Variants in GNA14 observed in about 807,000 individuals in gnomAD.
The protein encoded by GNA14 is G protein subunit alpha 14.
GNA14 carries 50 observed loss-of-function variants against 42.0 expected under a neutral mutation model. The observed-to-expected ratio is 1.19, with a 90% CI of 0.95 to 1.51. The LOEUF (loss-of-function observed/expected upper bound fraction) is 1.51. Ranked by LOEUF, GNA14 falls within the 40% of genes most tolerant of loss-of-function variation. The pLI is 0.00. For missense variants in GNA14, 473 were observed against 446.2 expected (o/e 1.06, Z -0.54); for synonymous variants, 173 against 163.1 (o/e 1.06, Z -0.46).
intron 2 of GNA14, among the ~76,000 whole-genome samples, chr9:77,463,325 T>C (rs531530776): frequency 6.6e-6 from 1 of 151,922 alleles, no homozygotes; most frequent in African/African-American, 2.4e-5. Context: ...CAATAATAAT[T>C]CTCTACTCAA....
At position 77,425,636 on chromosome 9, in the gene GNA14, A is replaced by G; in HGVS notation, c.803T>C (p.Phe268Ser). 1 of 1,609,344 alleles carries G rather than the reference A, an allele frequency of 6.2e-7. No individual in the cohort carries two copies. The highest frequency in any genetic ancestry group is 1.1e-5 in the South Asian group (1 of 90,952). The change falls in exon 6 of 7, where the codon TTC (phenylalanine) becomes TCC (serine). Residue 268 changes from phenylalanine (F) to serine (S), a missense_variant. Coordinates refer to ENST00000341700, the MANE Select transcript of GNA14 (RefSeq NM_004297.4). ...TTCCAAAAGATCCTTCTTGTTCAAGAATAAAATCACAGACGAATTCAGAAA... is the reference window on the plus strand; with the variant it reads ...TTCCAAAAGATCCTTCTTGTTCAAGGATAAAATCACAGACGAATTCAGAAA... ...PWFLNSSVIL[F>S]LNKKDLLEEK...
At chr9:77,449,972 G>C (rs1835878710) in intron 2 of GNA14, among the ~76,000 whole-genome samples, 1 of 152,078 alleles carries the variant, frequency 6.6e-6, no homozygotes, top group African/African-American at 2.4e-5. Context: ...TAGAAACAAA[G>C]AGAACATGAG....
intron 2 of GNA14, among the ~76,000 whole-genome samples, chr9:77,488,134 A>G (rs1246943857): frequency 6.6e-6 from 1 of 152,242 alleles, no homozygotes; most frequent in African/African-American, 2.4e-5. Context: ...AAAGCCAGCA[A>G]TATCTTAGAA....
intron 1 of GNA14, chr9:77,580,437 C>A: frequency 3.2e-6 from 1 of 311,202 alleles, no homozygotes; most frequent in South Asian, 4.2e-5. Flanking sequence ...CCAGAAAATC[C>A]AGTACAGCAT....
chr9:77,494,935 G>C (rs1836847404), intron 2 of GNA14, among the ~76,000 whole-genome samples: 1 of 152,194 alleles, frequency 6.6e-6, no homozygotes, highest in South Asian at 2.1e-4. Flanking sequence ...GAGTAACTGA[G>C]ATTACTGGTG....
At chr9:77,640,620 A>G (rs1003927505) in intron 1 of GNA14, among the ~76,000 whole-genome samples, 2 of 152,142 alleles carry the variant, frequency 1.3e-5, no homozygotes, top group African/African-American at 4.8e-5. Context: ...AAGCCTCAAA[A>G]ATTTCATCCT....
chr9:77,477,991 G>A (rs1006086146), intron 2 of GNA14, among the ~76,000 whole-genome samples: 37 of 147,794 alleles, frequency 2.5e-4, no homozygotes, highest in African/African-American at 8.9e-4. Flanking sequence ...TAGAAAGCAA[G>A]AACACAGAAA....
At chr9:77,496,754 TC>T (rs960124437) in intron 2 of GNA14, among the ~76,000 whole-genome samples, 4 of 152,162 alleles carry the variant, frequency 2.6e-5, no homozygotes, top group African/African-American at 9.6e-5. Context: ...TCAGGAAAGG[TC>T]AAGGTTATTG....
intron 1 of GNA14, among the ~76,000 whole-genome samples, chr9:77,616,136 T>C (rs190408755): frequency 1.4e-3 from 210 of 152,322 alleles, no homozygotes; most frequent in Admixed American, 4.6e-3. Flanking sequence ...CTGGCTACCA[T>C]AGCACACATT....
chr9:77,465,306 C>T (rs184150203), intron 2 of GNA14, among the ~76,000 whole-genome samples: 83 of 152,322 alleles, frequency 5.4e-4, no homozygotes, highest in Non-Finnish European at 8.1e-4. Context: ...TTTCCCTTAG[C>T]TTAATGTTTT....
chr9:77,547,005 T>G (rs1837727384), intron 1 of GNA14, among the ~76,000 whole-genome samples: 1 of 152,200 alleles, frequency 6.6e-6, no homozygotes, highest in African/African-American at 2.4e-5. Context: ...TACATATAAC[T>G]CTGTCTTATT....
chr9:77,591,670 T>C (rs77135745), intron 1 of GNA14, among the ~76,000 whole-genome samples: 1,541 of 152,336 alleles, frequency 0.01, 29 homozygotes, highest in African/African-American at 0.035. Flanking sequence ...GTGGCTCTCT[T>C]TGATCAAACA....
intron 1 of GNA14, among the ~76,000 whole-genome samples, chr9:77,567,195 A>T (rs896329716): frequency 6.6e-6 from 1 of 152,242 alleles, no homozygotes; most frequent in Non-Finnish European, 1.5e-5. Context: ...CCATATATTT[A>T]CATTTTACCT....
At chr9:77,538,288 G>A (rs1452577981) in intron 1 of GNA14, among the ~76,000 whole-genome samples, 1 of 152,012 alleles carries the variant, frequency 6.6e-6, no homozygotes, top group Non-Finnish European at 1.5e-5. Flanking sequence ...TGTCCAGGGT[G>A]GTCTTGAAAT....
intron 2 of GNA14, among the ~76,000 whole-genome samples, chr9:77,464,209 C>G (rs756414698): frequency 1.3e-5 from 2 of 152,218 alleles, no homozygotes; most frequent in Non-Finnish European, 2.9e-5. Context: ...CCATGTTGTC[C>G]AAGCTGGTCT....
At chr9:77,440,398 G>T (rs1347241816) in intron 2 of GNA14, among the ~76,000 whole-genome samples, 2 of 152,196 alleles carry the variant, frequency 1.3e-5, no homozygotes, top group Admixed American at 1.3e-4. Flanking sequence ...CCCCACGGGG[G>T]TGCTTCCTGC....
At chr9:77,594,404 A>T (rs1233429916) in intron 1 of GNA14, among the ~76,000 whole-genome samples, 1 of 152,238 alleles carries the variant, frequency 6.6e-6, no homozygotes, top group Non-Finnish European at 1.5e-5. Flanking sequence ...GGAAAAGGCA[A>T]GTTTCCATGA....
intron 1 of GNA14, among the ~76,000 whole-genome samples, chr9:77,553,431 A>T (rs1837809362): frequency 6.6e-6 from 1 of 152,206 alleles, no homozygotes; most frequent in Admixed American, 6.5e-5. Context: ...CAGGTGAGTC[A>T]ATGATTTATA....
At chr9:77,613,918 A>G (rs1272133089) in intron 1 of GNA14, among the ~76,000 whole-genome samples, 1 of 151,836 alleles carries the variant, frequency 6.6e-6, no homozygotes, top group African/African-American at 2.4e-5. Flanking sequence ...TGTTTCTCCC[A>G]AATGTAAGGG....
Sources: allele counts gnomAD v4.1 joint callset (sites outside exome capture counted in the v4.1 genomes callset), GRCh38; gene constraint gnomAD v4.1.1; transcripts MANE v1.5; gene names NCBI Gene and HGNC (gene_info 2026-07-23, HGNC 2026-07-21).